Variants in MYH11 observed in about 807,000 individuals in gnomAD.
The protein encoded by MYH11 is myosin-11.
Under a neutral mutation model 246.6 loss-of-function variants are expected in MYH11, and 80 were observed. The ratio of observed to expected loss-of-function variants is 0.32; its 90% confidence interval spans 0.27 to 0.39. The LOEUF is 0.39. MYH11 is among the 10% of genes least tolerant of loss of function. The probability of loss-of-function intolerance (pLI) is 1.00; values close to 1 mark genes in which losing one functional copy is unlikely to be tolerated. For synonymous variants in MYH11, 1,071 were observed against 1,015.5 expected (o/e 1.05, Z -1.04); for missense variants, 2,158 against 2,546.8 (o/e 0.85, Z 3.29).
chr16:15,738,701 A>G lies in MYH11; in HGVS notation c.2998-13T>C. ...GGAGTTTTCGTTCCTTTTTGGGGAA[A>G]GAGAAAGAGATAGCTTTAGGATTTT... On this transcript the variant is annotated splice_polypyrimidine_tract_variant and intron_variant, in intron 23 of 40. Coordinates refer to ENST00000300036, the MANE Select transcript of MYH11 (RefSeq NM_002474.3). 2 of 1,613,246 alleles carry G rather than the reference A, an allele frequency of 1.2e-6. No homozygotes were observed. The highest frequency in any genetic ancestry group is 1.7e-6 in the Non-Finnish European group (2 of 1,179,432).
chr16:15,827,945 G>A (rs2043615775), intron 2 of MYH11, among the ~76,000 whole-genome samples: 1 of 152,120 alleles, frequency 6.6e-6, no homozygotes, highest in African/African-American at 2.4e-5. Context: ...CCTCCTTCAG[G>A]CCTCGACTCC....
chr16:15,786,438 G>A, intron 5 of MYH11, 192 bp downstream of exon 5: 1 of 772,474 alleles, frequency 1.3e-6, no homozygotes, highest in Non-Finnish European at 2.4e-6. Context: ...GATGCTTCTA[G>A]CTGAGCCAAG....
rs773572276 is a variant in MYH11 at position 15,704,071 on chromosome 16, C to G, written c.5839G>C (p.Val1947Leu). The change falls in exon 41 of 41, where the codon GTT becomes CTT. Residue 1947 changes from valine (V) to leucine (L), a missense_variant. Around this residue, in one of 11 missense-constraint regions of MYH11, gnomAD observed 1,013 missense variants for 993.5 expected, o/e 1.02. Coordinates refer to ENST00000300036, the MANE Select transcript of MYH11 (RefSeq NM_002474.3). ...VPSRRSGGRR[V>L]IENADGSEEE... ...TCAGAACCATCTGCATTTTCAATAA[C>G]TCTACGTCCTCCAGACCTTCTAGAA... 1 of 1,614,152 alleles carries G rather than the reference C, an allele frequency of 6.2e-7. No individual in the cohort carries two copies.
intron 40 of MYH11, among the ~76,000 whole-genome samples, chr16:15,712,550 A>G (rs1365733103): frequency 2.0e-5 from 3 of 151,990 alleles, no homozygotes; most frequent in South Asian, 4.2e-4. Context: ...GAGCTGAGAT[A>G]GTGCTACTGC....
rs565688860 is a variant in MYH11 at position 15,731,005 on chromosome 16, T to TA, written c.3651+1558dup. Among the ~76,000 whole-genome samples, 16 of 152,128 alleles carry TA rather than the reference T, an allele frequency of 1.1e-4. No homozygotes were observed. In the East Asian group the frequency reaches 2.7e-3, roughly 26 times the overall value. ...AGTTTCCTCCAGTCTTTTTTTTTTT[T>TA]ACAAAAGAAAAATCGCTATGTTGCC... On this transcript the variant is annotated intron_variant, in intron 27 of 40. Transcript: ENST00000300036.
chr16:15,725,101 T>C, intron 28 of MYH11, 109 bp from the exon 29 acceptor site: 1 of 835,574 alleles, frequency 1.2e-6, no homozygotes, highest in Non-Finnish European at 2.0e-6. Flanking sequence ...TGTTCACTGA[T>C]TGAGAAAATA....
chr16:15,804,878 T>C (rs947401506), intron 3 of MYH11, among the ~76,000 whole-genome samples: 1 of 152,222 alleles, frequency 6.6e-6, no homozygotes, highest in Non-Finnish European at 1.5e-5. Flanking sequence ...ATTGTACGGA[T>C]GGATCATATT....
chr16:15,782,880 A>C, intron 5 of MYH11: 1 of 182,408 alleles, frequency 5.5e-6, no homozygotes, highest in East Asian at 1.4e-4. Context: ...ATGTTTAACA[A>C]GCAGCCTTCT....
At chr16:15,722,274 T>C (rs2040526912) in intron 31 of MYH11, among the ~76,000 whole-genome samples, 1 of 152,174 alleles carries the variant, frequency 6.6e-6, no homozygotes, top group Admixed American at 6.5e-5. Context: ...TGGCCACAAG[T>C]AGCTATTAAT....
At chr16:15,777,289 T>C (rs112536681) in intron 7 of MYH11, among the ~76,000 whole-genome samples, 8,133 of 152,136 alleles carry the variant, frequency 0.053, 297 homozygotes, top group Middle Eastern at 0.17. Flanking sequence ...GCCTGGATAA[T>C]TTTTGTATTT....
chr16:15,847,246 C>CTT (rs545966682), intron 1 of MYH11, among the ~76,000 whole-genome samples: 68 of 112,262 alleles, frequency 6.1e-4, no homozygotes, highest in African/African-American at 2.0e-3. Context: ...AAGTGGACTT[C>CTT]TTTTTTTTTT....
intron 10 of MYH11, 58 bp downstream of exon 10, chr16:15,763,738 A>AGCTGGGGGCCCCC: frequency 1.4e-6 from 1 of 717,694 alleles, no homozygotes; most frequent in Non-Finnish European, 2.6e-6. Flanking sequence ...GTTAAATGTC[A>AGCTGGGGGCCCCC]CCTCCCCCAC....
At chr16:15,738,530 TAAAATA>T in intron 24 of MYH11, 29 bp downstream of exon 24, 1 of 1,581,048 alleles carries the variant, frequency 6.3e-7, no homozygotes, top group Non-Finnish European at 8.6e-7. Flanking sequence ...AATAATAAAA[TAAAATA>T]AAAATAAATC....
chr16:15,831,659 C>T (rs1050826721), intron 2 of MYH11, among the ~76,000 whole-genome samples: 3 of 152,162 alleles, frequency 2.0e-5, no homozygotes, highest in Non-Finnish European at 4.4e-5. Flanking sequence ...GATCAGAAGG[C>T]TGGGTGCAGT....
chr16:15,745,609 T>C (rs1456707363), intron 19 of MYH11, among the ~76,000 whole-genome samples: 3 of 133,696 alleles, frequency 2.2e-5, no homozygotes, highest in Non-Finnish European at 4.7e-5. Context: ...TTTTTTGAGA[T>C]AGAGTTTCGC....
At chr16:15,725,521 C>G (rs2040709896) in intron 28 of MYH11, 1 of 419,290 alleles carries the variant, frequency 2.4e-6, no homozygotes, top group Non-Finnish European at 4.2e-6. Flanking sequence ...TCTCTGTATT[C>G]TCTGGCTTTT....
chr16:15,787,489 T>C (rs1356091985), intron 4 of MYH11, among the ~76,000 whole-genome samples: 4 of 147,452 alleles, frequency 2.7e-5, no homozygotes, highest in Non-Finnish European at 6.0e-5. Flanking sequence ...TACTTTTTTT[T>C]TTTTTTTTTT....
At chr16:15,708,431 A>C (rs1271100285) in intron 40 of MYH11, among the ~76,000 whole-genome samples, 1 of 152,214 alleles carries the variant, frequency 6.6e-6, no homozygotes, top group East Asian at 1.9e-4. Context: ...TGGACAAGGG[A>C]GGACAGCACT....
Position 15,769,489 on chromosome 16 carries a change from T to C in MYH11, c.1033+2080A>G, listed in dbSNP as rs566209394. Among the ~76,000 whole-genome samples the C allele has an allele frequency of 2.3e-3, 344 of 152,354 alleles. 4 individuals carry two copies. Among genetic ancestry groups the C allele is most frequent in the African/African-American group, 8.0e-3 (331 of 41,582 alleles). On this transcript the variant is annotated intron_variant, in intron 9 of 40. Coordinates refer to ENST00000300036, the MANE Select transcript of MYH11 (RefSeq NM_002474.3). ...TACTCCAGCCTAGGTGACAGAGTGG[T>C]GTGATCTCGGCTCACTGCAGCTTCG...
Sources: allele counts gnomAD v4.1 joint callset (sites outside exome capture counted in the v4.1 genomes callset), GRCh38; gene constraint gnomAD v4.1.1; regional missense constraint gnomAD v4.1.1; transcripts MANE v1.5; gene names NCBI Gene and HGNC (gene_info 2026-07-23, HGNC 2026-07-21).